The following DCAF11 variants were observed in gnomAD, a reference collection of about 807,000 sequenced individuals.
DCAF11 encodes DDB1 and CUL4 associated factor 11, also known as DDB1- and CUL4-associated factor 11.
DCAF11 carries 44 observed loss-of-function variants against 76.1 expected under a neutral mutation model. That is an observed-to-expected ratio of 0.58 (90% CI 0.45 to 0.74). The LOEUF is 0.74. DCAF11 is among the 30% of genes least tolerant of loss of function. The pLI, the probability that DCAF11 is intolerant of heterozygous loss-of-function variation, is 0.00. For missense variants in DCAF11, 604 were observed against 709.4 expected (o/e 0.85, Z 1.69); for synonymous variants, 258 against 255.0 (o/e 1.01, Z -0.11).
intron 12 of DCAF11, 27 bp downstream of exon 12, chr14:24,121,018 G>T: frequency 6.2e-7 from 1 of 1,612,390 alleles, no homozygotes; most frequent in South Asian, 1.1e-5. Flanking sequence ...AGGCACAGTG[G>T]ATTTGTCTGT....
Position 24,116,937 on chromosome 14 carries a change from A to AG in DCAF11, c.179dup (p.Gly61ArgfsTer20). On this transcript the variant is annotated frameshift_variant, in exon 3 of 15. Transcript: ENST00000446197. LOFTEE classifies it high-confidence loss of function. ...CACAGAGGCCAAGTGAGGTTGGTGC[A>AG]GGGAGGAGGTGCAGCAAATTTACAA... 6.2e-7 allele frequency: 1 copy of AG among 1,614,152 alleles called. No homozygotes were observed.
Position 24,114,814 on chromosome 14 carries a change from G to A in DCAF11, c.-693G>A, listed in dbSNP as rs2037501493. 2 of 985,940 alleles carry A rather than the reference G, an allele frequency of 2.0e-6. No individual in the cohort carries two copies. The highest frequency in any genetic ancestry group is 1.2e-4 in the Admixed American group (2 of 16,296). The allele number at this position is 985,940 out of a possible 1,614,324, so 61.1% of individuals were successfully genotyped here. Reference sequence around the variant, plus strand: ...CAGCCCGCCGGCCAGGAAGCCGCGAGATGCGTGACGAGCGAAGCGCGTGAC... The same window carrying A: ...CAGCCCGCCGGCCAGGAAGCCGCGAAATGCGTGACGAGCGAAGCGCGTGAC... On this transcript the variant is annotated 5_prime_UTR_variant, in exon 1 of 15. Coordinates refer to ENST00000446197, the MANE Select transcript of DCAF11 (RefSeq NM_025230.5).
At position 24,120,879 on chromosome 14, in the gene DCAF11, C is replaced by T; in HGVS notation, c.1134C>T (p.Thr378=). 1 of 1,614,196 alleles carries T rather than the reference C, an allele frequency of 6.2e-7. No homozygotes were observed. Among genetic ancestry groups the T allele is most frequent in the Non-Finnish European group, 8.5e-7 (1 of 1,180,040 alleles). ...RYLISNSKDQ[T]IKLWDIRRFS... is the part of the protein sequence containing the mutation. Reference sequence around the variant, plus strand: ...TGATCTCCAACTCTAAAGACCAGACCATCAAACTCTGGGATATCCGACGCT... The same window carrying T: ...TGATCTCCAACTCTAAAGACCAGACTATCAAACTCTGGGATATCCGACGCT... The change falls in exon 12 of 15, where the codon ACC becomes ACT. Residue 378 remains threonine, a synonymous_variant. Coordinates refer to ENST00000446197, the MANE Select transcript of DCAF11 (RefSeq NM_025230.5).
intron 2 of DCAF11, 69 bp from the exon 3 acceptor site, chr14:24,116,841 TAGATAGC>T (rs2037586481): frequency 1.0e-5 from 16 of 1,602,420 alleles, no homozygotes; most frequent in Non-Finnish European, 1.4e-5. Context: ...GTCTAAGAGC[TAGATAGC>T]CATTGACTCT....
chr14:24,118,770 G>A lies in DCAF11; in HGVS notation c.745G>A (p.Gly249Ser). Residue 249 changes from glycine (G) to serine (S), a missense_variant, in exon 8 of 15, where the codon GGT becomes AGT. Gly to Ser is a moderately conservative substitution (Grantham distance 56). Coordinates refer to ENST00000446197, the MANE Select transcript of DCAF11 (RefSeq NM_025230.5). The part of the protein sequence containing the change: ...SDYIHICNIY[G>S]EGDTHTALDL... ...CTTAGTTCATATCTGCAATATCTAT[G>A]GTGAGGGAGATACACACACTGCCCT... The A allele has an allele frequency of 1.2e-6, 2 of 1,614,100 alleles. No individual in the cohort carries two copies. The highest frequency in any genetic ancestry group is 4.5e-5 in the East Asian group (2 of 44,882).
intron 9 of DCAF11, 134 bp from the exon 10 acceptor site, chr14:24,119,425 C>A: frequency 7.9e-7 from 1 of 1,265,116 alleles, no homozygotes. Flanking sequence ...GCTAACTCTT[C>A]CCCCACTTCC....
chr14:24,119,637 C>G (rs752100421), intron 10 of DCAF11, 21 bp downstream of exon 10: 10 of 1,614,172 alleles, frequency 6.2e-6, no homozygotes, highest in Non-Finnish European at 7.6e-6. Flanking sequence ...TGAGATAGAG[C>G]CTCTGCCTCC....
intron 8 of DCAF11, 139 bp from the exon 9 acceptor site, chr14:24,119,006 C>A: frequency 3.3e-6 from 4 of 1,214,672 alleles, no homozygotes; most frequent in Non-Finnish European, 4.8e-6. Context: ...TGGGTTCTCA[C>A]TGAGCATCTG....
Position 24,119,896 on chromosome 14 carries a change from G to A in DCAF11, c.1092G>A (p.Lys364=). The A allele has an allele frequency of 6.2e-7, 1 of 1,609,692 alleles. No individual in the cohort carries two copies. ...HQDGITFIDS[K]GDARYLISNS... ...ATGGCATCACCTTCATTGACAGCAA[G>A]GTGGGCCAGAAGTCAGGACTGTACA... The change falls in exon 11 of 15, where the codon AAG becomes AAA. Residue 364 remains lysine (K), a splice_region_variant and synonymous_variant. Transcript: ENST00000446197.
Position 24,117,604 on chromosome 14 carries a change from G to A in DCAF11, c.412-64G>A, listed in dbSNP as rs1469117272. 1.9e-6 allele frequency: 3 copies of A among 1,574,060 alleles called. No individual in the cohort carries two copies. The highest frequency in any genetic ancestry group is 1.7e-5 in the Admixed American group (1 of 58,994). The stretch of plus-strand genomic sequence containing the variant: ...AAGAGCAATATCTTTGGAGGAGGGG[G>A]CTTGATATGGCTGAAGTGGCCCTCT... On this transcript the variant is annotated intron_variant, in intron 4 of 14. Transcript: ENST00000446197. The surrounding 1 kb of genome is among the most constrained non-coding windows in gnomAD (Gnocchi z 4.3).
intron 9 of DCAF11, 166 bp downstream of exon 9, chr14:24,119,379 C>A: frequency 8.4e-7 from 1 of 1,188,242 alleles, no homozygotes; most frequent in Non-Finnish European, 1.2e-6. Context: ...ATTTCCCCAG[C>A]ACGAGATTGG....
At chr14:24,119,264 C>T (rs2139017365) in intron 9 of DCAF11, 51 bp downstream of exon 9, 1 of 1,605,350 alleles carries the variant, frequency 6.2e-7, no homozygotes, top group Non-Finnish European at 8.5e-7. Context: ...GGGGTTCTGC[C>T]AGAGATGAGT....
Position 24,124,270 on chromosome 14 carries a change from C to T in DCAF11, c.*961C>T, listed in dbSNP as rs1468403642. On this transcript the variant is annotated 3_prime_UTR_variant, in exon 15 of 15. Transcript: ENST00000446197. ...TGCAAGTAGATATCGAGAGAGCACA[C>T]TTTCCATTAGAGCCTGGTAATACCC... is the stretch of plus-strand genomic sequence containing the variant. The T allele has an allele frequency of 6.6e-6, 1 of 152,270 alleles. No homozygotes were observed. The highest frequency in any genetic ancestry group is 2.4e-5 in the African/African-American group (1 of 41,462). 9.4% of individuals were successfully genotyped at this position (152,270 alleles called of 1,614,324 possible).
rs1179406441 is a variant in DCAF11, at chr14:24,121,390, G to A, written c.1272G>A (p.Gly424=). The A allele has an allele frequency of 6.2e-7, 1 of 1,614,154 alleles. No individual in the cohort carries two copies. Among genetic ancestry groups the A allele is most frequent in the Non-Finnish European group, 8.5e-7 (1 of 1,180,032 alleles). ...CCTGGCGGAAGCTGAAGCTCCCAGGGGACAGCTCCTTGATGACCTACCGGG... is the reference window on the plus strand; with the variant it reads ...CCTGGCGGAAGCTGAAGCTCCCAGGAGACAGCTCCTTGATGACCTACCGGG... ...KKAWRKLKLP[G]DSSLMTYRGH... is the part of the protein sequence containing the mutation. Residue 424 remains glycine, a synonymous_variant, in exon 13 of 15, where the codon GGG becomes GGA. Coordinates refer to ENST00000446197, the MANE Select transcript of DCAF11 (RefSeq NM_025230.5).
rs2037509319 is a variant in DCAF11, at chr14:24,114,988, C to G, written c.-519C>G. On this transcript the variant is annotated 5_prime_UTR_variant, in exon 1 of 15. Transcript: ENST00000446197. ...GTGGGAGGTGCTTCTCGGCTTCCTC[C>G]CCCTCATGGCGTACACACCCCCGGC... The G allele has an allele frequency of 1.0e-6, 1 of 985,824 alleles. No individual in the cohort carries two copies. Among genetic ancestry groups the G allele is most frequent in the Non-Finnish European group, 1.2e-6 (1 of 829,966 alleles). 61.1% of individuals were successfully genotyped at this position (985,824 alleles called of 1,614,324 possible).
rs1404442365 is a variant in DCAF11 at position 24,119,846 on chromosome 14, G to A, written c.1042G>A (p.Val348Met). The change falls in exon 11 of 15, where the codon GTG (valine) becomes ATG (methionine). Residue 348 changes from valine (V) to methionine (M), a missense_variant. By Grantham distance (21) the Val-to-Met change is conservative (BLOSUM62 1). Transcript: ENST00000446197. ...CATGCGGGAGGATGACCCCAAGCCT[G>A]TGGGTGCACTGGCTGGACACCAGGA... is the stretch of plus-strand genomic sequence containing the variant. ...RTMREDDPKP[V>M]GALAGHQDGI... The A allele has an allele frequency of 1.2e-6, 2 of 1,614,130 alleles. No individual in the cohort carries two copies. Among genetic ancestry groups the A allele is most frequent in the Non-Finnish European group, 1.7e-6 (2 of 1,179,982 alleles).
intron 7 of DCAF11, 42 bp downstream of exon 7, chr14:24,118,576 C>T: frequency 6.2e-7 from 1 of 1,606,936 alleles, no homozygotes; most frequent in Non-Finnish European, 8.5e-7. Context: ...CAGCCTGGGA[C>T]CTGAGGTTTC....
At chr14:24,122,490 C>CAA (rs552258351) in intron 13 of DCAF11, among the ~76,000 whole-genome samples, 3 of 46,366 alleles carry the variant, frequency 6.5e-5, no homozygotes, top group South Asian at 6.7e-4. Context: ...GACTCCATCT[C>CAA]AAAAAAAAAA....
At position 24,121,219 on chromosome 14, in the gene DCAF11, A is replaced by G. The variant is rs533274634; in HGVS notation, c.1247-146A>G. 1.2e-5 allele frequency: 15 copies of G among 1,202,010 alleles called. No homozygotes were observed. In the African/African-American group the frequency reaches 1.4e-4, roughly 11 times the overall value. The allele number at this position is 1,202,010 out of a possible 1,614,324, so 74.5% of individuals were successfully genotyped here. A position where few individuals can be genotyped will look rare whatever the true frequency, so the allele number is the denominator to read the frequency against. ...GGCAGGGCCATATTGGAGACTGTCC[A>G]CTGACTATTAGGTGGAGAAAGAGCC... On this transcript the variant is annotated intron_variant, in intron 12 of 14. Transcript: ENST00000446197.
Sources: allele counts gnomAD v4.1 joint callset (sites outside exome capture counted in the v4.1 genomes callset), GRCh38; gene constraint gnomAD v4.1.1; non-coding constraint Gnocchi (gnomAD v3.1); transcripts MANE v1.5; gene names NCBI Gene and HGNC (gene_info 2026-07-23, HGNC 2026-07-21).